PARD3: variants seen among roughly 807,000 people sequenced by gnomAD.
The protein encoded by PARD3 is partitioning defective 3 homolog.
PARD3 carries 75 observed loss-of-function variants against 155.4 expected under a neutral mutation model. That is an observed-to-expected ratio of 0.48 (90% confidence interval 0.40 to 0.58). The LOEUF is 0.58. Ranked by LOEUF, PARD3 falls within the 20% of genes least tolerant of loss-of-function variation. The pLI, the probability that PARD3 is intolerant of heterozygous loss-of-function variation, is 0.00. For missense variants in PARD3, 1,642 were observed against 1,721.7 expected (o/e 0.95, Z 0.82); for synonymous variants, 576 against 610.5 (o/e 0.94, Z 0.83).
chr10:34,784,749 T>C (rs1457374655), intron 1 of PARD3, among the ~76,000 whole-genome samples: 1 of 152,212 alleles, frequency 6.6e-6, no homozygotes, highest in Non-Finnish European at 1.5e-5. Flanking sequence ...AATATACTTT[T>C]TTAAGGATTT....
intron 2 of PARD3, among the ~76,000 whole-genome samples, chr10:34,535,276 T>C (rs1442178990): frequency 6.6e-6 from 1 of 152,052 alleles, no homozygotes; most frequent in Admixed American, 6.6e-5. Context: ...AAGTGTTAAG[T>C]ATTGGGGAAA....
chr10:34,308,494 G>GA (rs1032688329), intron 20 of PARD3, among the ~76,000 whole-genome samples: 3 of 152,168 alleles, frequency 2.0e-5, no homozygotes, highest in Non-Finnish European at 4.4e-5. Context: ...GGGCATAAGG[G>GA]AAAATCAGGT....
At chr10:34,579,103 C>A (rs1345550184) in intron 2 of PARD3, among the ~76,000 whole-genome samples, 1 of 152,072 alleles carries the variant, frequency 6.6e-6, no homozygotes, top group Non-Finnish European at 1.5e-5. Flanking sequence ...AACCCCATCT[C>A]TACTAAAAAT....
intron 22 of PARD3, among the ~76,000 whole-genome samples, chr10:34,215,624 T>C (rs1951967068): frequency 6.6e-6 from 1 of 152,246 alleles, no homozygotes; most frequent in African/African-American, 2.4e-5. Context: ...ATTATAAAAA[T>C]GTCTTCTAGT....
chr10:34,412,827 G>A (rs1845226963), intron 5 of PARD3, among the ~76,000 whole-genome samples: 1 of 152,096 alleles, frequency 6.6e-6, no homozygotes, highest in African/African-American at 2.4e-5. Flanking sequence ...ACCAGAAAGA[G>A]ATGCCTTCAG....
rs149164118 is a variant in PARD3 at position 34,185,015 on chromosome 10, T to G, written c.3420-53432A>C. On this transcript the variant is annotated intron_variant, in intron 22 of 24. Transcript: ENST00000374788. ...TATTGCTACTTCCTGCCCTTGAATG[T>G]TTTGCAGACTTTCTCTATTCTGTTT... 3.0e-3 allele frequency among the ~76,000 whole-genome samples: 463 copies of G among 152,294 alleles called. 4 individuals carry two copies. The highest frequency in any genetic ancestry group is 0.011 in the African/African-American group (448 of 41,566).
At chr10:34,666,806 T>TAC (rs1564481640) in intron 2 of PARD3, among the ~76,000 whole-genome samples, 3 of 47,470 alleles carry the variant, frequency 6.3e-5, no homozygotes, top group African/African-American at 2.3e-4. Flanking sequence ...AATATATATA[T>TAC]ATATATATAT....
intron 2 of PARD3, among the ~76,000 whole-genome samples, chr10:34,646,045 A>G (rs1441143359): frequency 6.6e-6 from 1 of 152,212 alleles, no homozygotes; most frequent in Non-Finnish European, 1.5e-5. Flanking sequence ...ACATAGCGAG[A>G]CGCAGGAACA....
At chr10:34,742,694 C>T (rs1321233068) in intron 1 of PARD3, among the ~76,000 whole-genome samples, 2 of 152,194 alleles carry the variant, frequency 1.3e-5, no homozygotes, top group Non-Finnish European at 2.9e-5. Flanking sequence ...CTTTTTAATA[C>T]CAGTCACTAC....
intron 2 of PARD3, among the ~76,000 whole-genome samples, chr10:34,582,322 AATTCACATAGAAAGCT>A (rs1205519085): frequency 1.3e-5 from 2 of 152,218 alleles, no homozygotes; most frequent in Non-Finnish European, 2.9e-5. Context: ...GGGGGAAAAG[AATTCACATAGAAAGCT>A]ATTCTAGCAC....
At chr10:34,537,895 CTTCTTTGGAAAGAGAAGG>C (rs1416920411) in intron 2 of PARD3, among the ~76,000 whole-genome samples, 3 of 152,228 alleles carry the variant, frequency 2.0e-5, no homozygotes, top group Non-Finnish European at 4.4e-5. Flanking sequence ...GCTGTTGCTT[CTTCTTTGGAAAGAGAAGG>C]TTATTTATAA....
At chr10:34,152,721 A>G (rs1564436469) in intron 22 of PARD3, among the ~76,000 whole-genome samples, 1 of 152,364 alleles carries the variant, frequency 6.6e-6, no homozygotes, top group South Asian at 2.1e-4. Context: ...GAACTGGCAT[A>G]GAACAGTATC....
chr10:34,748,339 G>C (rs937073124), intron 1 of PARD3, among the ~76,000 whole-genome samples: 1 of 151,976 alleles, frequency 6.6e-6, no homozygotes, highest in Non-Finnish European at 1.5e-5. Flanking sequence ...GTGTGGTGGC[G>C]TGCGCCTGTA....
chr10:34,526,899 C>T (rs1381342139), intron 2 of PARD3, among the ~76,000 whole-genome samples: 1 of 152,184 alleles, frequency 6.6e-6, no homozygotes, highest in Non-Finnish European at 1.5e-5. Flanking sequence ...GACATTCCCT[C>T]GTTGGGCTTC....
chr10:34,546,593 A>T (rs748194097), intron 2 of PARD3, among the ~76,000 whole-genome samples: 12 of 151,870 alleles, frequency 7.9e-5, no homozygotes, highest in Non-Finnish European at 5.9e-5. Flanking sequence ...TGGCCTGGCA[A>T]ATTTTAATTT....
intron 23 of PARD3, among the ~76,000 whole-genome samples, chr10:34,120,706 G>A (rs1946947911): frequency 6.6e-6 from 1 of 152,088 alleles, no homozygotes; most frequent in Non-Finnish European, 1.5e-5. Flanking sequence ...AAACCCAAAA[G>A]CTACTCGCTA....
At chr10:34,604,853 T>C (rs2090092569) in intron 2 of PARD3, among the ~76,000 whole-genome samples, 2 of 152,058 alleles carry the variant, frequency 1.3e-5, no homozygotes, top group African/African-American at 4.8e-5. Context: ...ACTGCAATGC[T>C]ATTACTCATT....
chr10:34,724,735 A>T (rs2094669909), intron 1 of PARD3, among the ~76,000 whole-genome samples: 2 of 152,180 alleles, frequency 1.3e-5, no homozygotes, highest in Non-Finnish European at 2.9e-5. Flanking sequence ...GGTGAAGAAG[A>T]GCTCTGGGGA....
intron 3 of PARD3, 139 bp from the exon 4 acceptor site, chr10:34,470,402 A>G (rs981099829): frequency 6.9e-5 from 40 of 575,874 alleles, no homozygotes; most frequent in Middle Eastern, 4.0e-4. Context: ...TCAGTATTCT[A>G]AACACAAATT....
Sources: allele counts gnomAD v4.1 joint callset (sites outside exome capture counted in the v4.1 genomes callset), GRCh38; gene constraint gnomAD v4.1.1; transcripts MANE v1.5; gene names NCBI Gene and HGNC (gene_info 2026-07-23, HGNC 2026-07-21).